ZBBX: variants seen among roughly 807,000 people sequenced by gnomAD.
The protein encoded by ZBBX is zinc finger B-box domain-containing protein 1.
Under a neutral mutation model 108.5 loss-of-function variants are expected in ZBBX, and 101 were observed. The observed-to-expected ratio is 0.93, with a 90% CI of 0.79 to 1.10. The LOEUF (loss-of-function observed/expected upper bound fraction) is 1.10, where lower values mean the gene tolerates loss of function less well. ZBBX is among the 50% of genes least tolerant of loss of function. The pLI, the probability that ZBBX is intolerant of heterozygous loss-of-function variation, is 0.00. For missense variants in ZBBX, 1,009 were observed against 941.4 expected, an observed-to-expected ratio of 1.07 and a Z score of -0.94; for synonymous variants, 356 against 323.4, an observed-to-expected ratio of 1.10 and a Z score of -1.08.
At chr3:167,294,350 T>G (rs1186955680) in intron 18 of ZBBX, among the ~76,000 whole-genome samples, 2 of 152,042 alleles carry the variant, frequency 1.3e-5, no homozygotes, top group African/African-American at 4.8e-5. Context: ...AAAACAGATA[T>G]ATAGACCAAT....
chr3:167,234,113 G>A, the ZBBX span, among the ~76,000 whole-genome samples: 2 of 151,780 alleles, frequency 1.3e-5, no homozygotes, highest in African/African-American at 4.8e-5. Flanking sequence ...TACACACGGA[G>A]TTTAAAAGAT....
intron 20 of ZBBX, among the ~76,000 whole-genome samples, chr3:167,262,082 T>C (rs1287738156): frequency 6.6e-6 from 1 of 152,138 alleles, no homozygotes; most frequent in Non-Finnish European, 1.5e-5. Flanking sequence ...CAGCTCCAGG[T>C]AAAGTCGGAA....
At chr3:167,351,984 G>A (rs1742742877) in intron 8 of ZBBX, among the ~76,000 whole-genome samples, 1 of 152,024 alleles carries the variant, frequency 6.6e-6, no homozygotes, top group Non-Finnish European at 1.5e-5. Context: ...GTGTTCAGCT[G>A]GTGACCTGGG....
chr3:167,232,218 C>T, the ZBBX span, among the ~76,000 whole-genome samples: 1 of 151,732 alleles, frequency 6.6e-6, no homozygotes, highest in Non-Finnish European at 1.5e-5. Flanking sequence ...AACTGTGTTT[C>T]ACTAATACCA....
intron 19 of ZBBX, among the ~76,000 whole-genome samples, chr3:167,288,334 A>C (rs889992661): frequency 4.6e-5 from 7 of 152,194 alleles, no homozygotes; most frequent in African/African-American, 1.7e-4. Context: ...GGAAAATCTT[A>C]TAATTACTTT....
the ZBBX span, among the ~76,000 whole-genome samples, chr3:167,214,763 A>G: frequency 6.6e-6 from 1 of 152,178 alleles, no homozygotes. Flanking sequence ...CAGCAAATGT[A>G]AAAGGACCAA....
chr3:167,249,810 G>T (rs908916414), intron 20 of ZBBX, among the ~76,000 whole-genome samples: 1 of 152,166 alleles, frequency 6.6e-6, no homozygotes, highest in Non-Finnish European at 1.5e-5. Flanking sequence ...CATATATAGC[G>T]TCAGAGAAGG....
chr3:167,354,129 CTA>C (rs1743137960), intron 8 of ZBBX, among the ~76,000 whole-genome samples: 1 of 151,858 alleles, frequency 6.6e-6, no homozygotes, highest in Non-Finnish European at 1.5e-5. Flanking sequence ...TAACACAAAC[CTA>C]TTTTATAATA....
chr3:167,267,543 A>C (rs1725755909), intron 20 of ZBBX, among the ~76,000 whole-genome samples: 1 of 152,206 alleles, frequency 6.6e-6, no homozygotes, highest in South Asian at 2.1e-4. Context: ...TGAGAGAACT[A>C]AACATAAGAA....
intron 1 of ZBBX, among the ~76,000 whole-genome samples, chr3:167,402,466 T>G (rs1179466072): frequency 6.6e-6 from 1 of 152,138 alleles, no homozygotes; most frequent in Non-Finnish European, 1.5e-5. Flanking sequence ...TAACTTGAAA[T>G]TTCTTGGCAA....
the ZBBX span, among the ~76,000 whole-genome samples, chr3:167,221,415 G>C: frequency 6.6e-6 from 1 of 151,830 alleles, no homozygotes; most frequent in African/African-American, 2.4e-5. Flanking sequence ...CATACATGGG[G>C]AAAAGGGCAG....
the ZBBX span, among the ~76,000 whole-genome samples, chr3:167,233,144 C>T: frequency 1.3e-5 from 2 of 151,764 alleles, no homozygotes; most frequent in South Asian, 4.1e-4. Context: ...AGTCATAACC[C>T]TGGGCCTGCT....
At chr3:167,311,835 T>C (rs1190115988) in intron 16 of ZBBX, among the ~76,000 whole-genome samples, 2 of 152,132 alleles carry the variant, frequency 1.3e-5, no homozygotes. Context: ...CTGGTGGGAA[T>C]GTAAAATAGT....
intron 9 of ZBBX, among the ~76,000 whole-genome samples, chr3:167,349,751 CAAT>C (rs1742316295): frequency 6.6e-6 from 1 of 151,952 alleles, no homozygotes; most frequent in African/African-American, 2.4e-5. Flanking sequence ...AGAAAGTACT[CAAT>C]AAATATTTGT....
upstream of ZBBX, among the ~76,000 whole-genome samples, chr3:167,380,931 C>T (rs1266082617): frequency 6.7e-6 from 1 of 149,906 alleles, no homozygotes; most frequent in Non-Finnish European, 1.5e-5. Flanking sequence ...CTCAACTCAA[C>T]TCTTCCGAAC....
intron 5 of ZBBX, among the ~76,000 whole-genome samples, chr3:167,367,654 C>CTGAA (rs1314132871): frequency 6.7e-6 from 1 of 149,822 alleles, no homozygotes; most frequent in African/African-American, 2.4e-5. Flanking sequence ...AATACATTCA[C>CTGAA]ACACATGTAT....
chr3:167,280,316 A>G (rs1464676375), intron 20 of ZBBX, among the ~76,000 whole-genome samples: 1 of 152,066 alleles, frequency 6.6e-6, no homozygotes, highest in Non-Finnish European at 1.5e-5. Flanking sequence ...GTGAACAGGT[A>G]ACCTATAAAA....
chr3:167,217,390 G>T, the ZBBX span, among the ~76,000 whole-genome samples: 1 of 152,124 alleles, frequency 6.6e-6, no homozygotes, highest in African/African-American at 2.4e-5. Context: ...GATCATTAGA[G>T]AAATGCAAAT....
intron 1 of ZBBX, among the ~76,000 whole-genome samples, chr3:167,387,717 G>A (rs934935897): frequency 1.5e-4 from 23 of 151,898 alleles, no homozygotes; most frequent in African/African-American, 5.6e-4. Context: ...CTGTTGTATA[G>A]GAGATACTAA....
Sources: allele counts gnomAD v4.1 joint callset (sites outside exome capture counted in the v4.1 genomes callset), GRCh38; gene constraint gnomAD v4.1.1; transcripts MANE v1.5; gene names NCBI Gene and HGNC (gene_info 2026-07-23, HGNC 2026-07-21).